KLF12: variants seen among roughly 807,000 people sequenced by gnomAD.
The protein encoded by KLF12 is Krueppel-like factor 12.
In KLF12, 9 loss-of-function variants were observed where a neutral mutation model predicts 37.8. The observed-to-expected ratio is 0.24, with a 90% confidence interval of 0.14 to 0.42. KLF12 has a LOEUF of 0.42. Ranked by LOEUF, KLF12 falls within the 10% of genes least tolerant of loss-of-function variation. KLF12 has a pLI of 1.00. For synonymous variants in KLF12, 208 were observed against 202.1 expected, an observed-to-expected ratio of 1.03 and a Z score of -0.25; for missense variants, 411 against 516.0, an observed-to-expected ratio of 0.80 and a Z score of 1.97.
At chr13:74,203,365 AG>A in the KLF12 span, among the ~76,000 whole-genome samples, 1 of 152,070 alleles carries the variant, frequency 6.6e-6, no homozygotes, top group African/African-American at 2.4e-5. Context: ...TGAGCTTTGG[AG>A]GGAACACTAT....
At chr13:73,952,546 G>T (rs1341621545) in intron 2 of KLF12, among the ~76,000 whole-genome samples, 1 of 152,124 alleles carries the variant, frequency 6.6e-6, no homozygotes, top group African/African-American at 2.4e-5. Context: ...CATGAGATTT[G>T]AGTGGAGACA....
At chr13:73,702,127 A>G (rs1874603976) in intron 7 of KLF12, among the ~76,000 whole-genome samples, 1 of 152,340 alleles carries the variant, frequency 6.6e-6, no homozygotes, top group South Asian at 2.1e-4. Context: ...ATGTATATGC[A>G]GCATATAAAA....
rs186152736 is a variant in KLF12 at position 73,693,079 on chromosome 13, G to C, written c.*2411C>G. On this transcript the variant is annotated 3_prime_UTR_variant, in exon 8 of 8. Coordinates refer to ENST00000377669, the MANE Select transcript of KLF12 (RefSeq NM_007249.5). ...CATCTTTCAGCAGAGAAAAGAACTG[G>C]CTCTTTTTATGAGAGCAAGCAGGAC... 6.6e-6 allele frequency: 1 copy of C among 152,232 alleles called. No individual in the cohort carries two copies. Among genetic ancestry groups the C allele is most frequent in the Admixed American group, 6.5e-5 (1 of 15,290 alleles). The allele number at this position is 152,232 out of a possible 1,614,324, so 9.4% of individuals were successfully genotyped here.
chr13:73,698,157 AAAG>A (rs1322087107), intron 7 of KLF12, among the ~76,000 whole-genome samples: 8 of 151,624 alleles, frequency 5.3e-5, no homozygotes, highest in Admixed American at 6.6e-5. Context: ...ACCCCGAAAG[AAAG>A]AAAGAAAAGA....
intron 3 of KLF12, among the ~76,000 whole-genome samples, chr13:73,849,375 T>TCAAA (rs1255438161): frequency 4.0e-5 from 4 of 98,962 alleles, no homozygotes; most frequent in African/African-American, 4.8e-5. Context: ...GGAGACTCCA[T>TCAAA]AAAAAAAAAA....
chr13:73,859,953 A>C (rs1052976836), intron 3 of KLF12, among the ~76,000 whole-genome samples: 1 of 152,098 alleles, frequency 6.6e-6, no homozygotes, highest in Non-Finnish European at 1.5e-5. Context: ...AACTTTTTTT[A>C]AAAAAAGTTT....
intron 5 of KLF12, among the ~76,000 whole-genome samples, chr13:73,787,377 C>G (rs968162493): frequency 6.6e-6 from 1 of 152,148 alleles, no homozygotes; most frequent in African/African-American, 2.4e-5. Flanking sequence ...GTACTCAAAC[C>G]TAGCCAAGCT....
chr13:73,857,868 G>A (rs1566420696), intron 3 of KLF12, among the ~76,000 whole-genome samples: 1 of 152,136 alleles, frequency 6.6e-6, no homozygotes, highest in Non-Finnish European at 1.5e-5. Context: ...CTAATAATCA[G>A]ACAAGTTTGA....
At chr13:74,244,008 T>C in the KLF12 span, among the ~76,000 whole-genome samples, 2 of 152,204 alleles carry the variant, frequency 1.3e-5, no homozygotes, top group African/African-American at 4.8e-5. Context: ...CTTTTACTAA[T>C]ATGAGTATCG....
chr13:74,067,406 A>C lies in KLF12; in HGVS notation c.-32+66333T>G, dbSNP rs546345211. ...AGAGTCTAAACCTAATTATTACATT[A>C]GATATAACAAAAGCAAAGACCTGTT... On this transcript the variant is annotated intron_variant, in intron 1 of 7. Transcript: ENST00000377669. 1.6e-3 allele frequency among the ~76,000 whole-genome samples: 242 copies of C among 152,364 alleles called. 2 individuals are homozygous for C. Among genetic ancestry groups the C allele is most frequent in the African/African-American group, 5.6e-3 (233 of 41,586 alleles).
At chr13:73,733,371 C>T (rs946260086) in intron 6 of KLF12, among the ~76,000 whole-genome samples, 1 of 152,106 alleles carries the variant, frequency 6.6e-6, no homozygotes, top group Non-Finnish European at 1.5e-5. Context: ...AATTTGCCTA[C>T]TTTAGGTGCC....
chr13:74,276,849 G>A, the KLF12 span, among the ~76,000 whole-genome samples: 1 of 152,178 alleles, frequency 6.6e-6, no homozygotes. Flanking sequence ...TGCTTTCAGA[G>A]TGAGCTGATT....
At chr13:74,072,368 TATATA>T (rs1314477394) in intron 1 of KLF12, among the ~76,000 whole-genome samples, 1 of 46,710 alleles carries the variant, frequency 2.1e-5, no homozygotes, top group African/African-American at 1.1e-4. Context: ...AATACAAATA[TATATA>T]TATATATATA....
the KLF12 span, among the ~76,000 whole-genome samples, chr13:74,153,541 A>G: frequency 6.6e-6 from 1 of 152,122 alleles, no homozygotes; most frequent in African/African-American, 2.4e-5. Context: ...CTTGTTCCAA[A>G]TATGGGGTTT....
chr13:73,769,337 T>A (rs992725177), intron 5 of KLF12, among the ~76,000 whole-genome samples: 5 of 152,196 alleles, frequency 3.3e-5, no homozygotes, highest in African/African-American at 1.2e-4. Flanking sequence ...AATCTAATGG[T>A]GAATTCTTAG....
At chr13:74,181,446 G>T in the KLF12 span, among the ~76,000 whole-genome samples, 4 of 151,414 alleles carry the variant, frequency 2.6e-5, no homozygotes, top group African/African-American at 9.7e-5. Flanking sequence ...ACTTTGGGAG[G>T]CGGAGGCAGG....
At chr13:74,233,541 T>C in the KLF12 span, among the ~76,000 whole-genome samples, 2 of 152,364 alleles carry the variant, frequency 1.3e-5, no homozygotes, top group Non-Finnish European at 2.9e-5. Flanking sequence ...ATACAATTTC[T>C]TTGTTTCTAA....
intron 4 of KLF12, chr13:73,844,585 G>C (rs4142836): frequency 2.6e-5 from 4 of 152,114 alleles, no homozygotes; most frequent in Admixed American, 2.6e-4. Flanking sequence ...CTTATTTCAC[G>C]TGTGATAAAG....
At chr13:73,720,215 G>A (rs750725681) in intron 6 of KLF12, among the ~76,000 whole-genome samples, 6 of 152,110 alleles carry the variant, frequency 3.9e-5, no homozygotes, top group Non-Finnish European at 8.8e-5. Flanking sequence ...TCCATAAGAA[G>A]GGGTGTTAGG....
Sources: allele counts gnomAD v4.1 joint callset (sites outside exome capture counted in the v4.1 genomes callset), GRCh38; gene constraint gnomAD v4.1.1; transcripts MANE v1.5; gene names NCBI Gene and HGNC (gene_info 2026-07-23, HGNC 2026-07-21).